Variants in TEAD4 observed in about 807,000 individuals in gnomAD.
The protein encoded by TEAD4 is TEA domain transcription factor 4, also known as transcriptional enhancer factor TEF-3.
TEAD4 carries 36 observed loss-of-function variants against 52.4 expected under a neutral mutation model. The ratio of observed to expected loss-of-function variants is 0.69; its 90% CI spans 0.53 to 0.91. The LOEUF (loss-of-function observed/expected upper bound fraction) is 0.91. Among genes scored for constraint, TEAD4 ranks in the 40% least tolerant of loss-of-function variants. TEAD4 has a pLI of 0.00. For synonymous variants in TEAD4, 220 were observed against 231.0 expected (o/e 0.95, Z 0.43); for missense variants, 508 against 583.9 (o/e 0.87, Z 1.34).
At chr12:3,006,950 CA>C (rs1565539797) in intron 3 of TEAD4, among the ~76,000 whole-genome samples, 1 of 151,752 alleles carries the variant, frequency 6.6e-6, no homozygotes, top group Non-Finnish European at 1.5e-5. Context: ...CACTGGAACC[CA>C]GGAGGTGGAG....
chr12:3,031,208 G>T lies in TEAD4; in HGVS notation c.898-6760G>T, dbSNP rs372255265. ...GTCTGAGGGGGCCCCCAGCCCCCTG[G>T]AGAAGCCTTCACCCTTGCTTGAGCA... is the stretch of plus-strand genomic sequence containing the variant. On this transcript the variant is annotated intron_variant, in intron 10 of 12. Coordinates refer to ENST00000359864, the MANE Select transcript of TEAD4 (RefSeq NM_003213.4). 1.1e-4 allele frequency among the ~76,000 whole-genome samples: 16 copies of T among 152,282 alleles called. No individual in the cohort carries two copies. In the East Asian group the frequency reaches 1.7e-3, roughly 17 times the overall value.
At chr12:2,999,516 C>T (rs531374109) in intron 3 of TEAD4, among the ~76,000 whole-genome samples, 4 of 152,344 alleles carry the variant, frequency 2.6e-5, no homozygotes, top group South Asian at 4.1e-4. Flanking sequence ...CAAAGCAGCA[C>T]GGCAGATTAA....
In TEAD4 at chr12:2,994,022, C is replaced by T. The variant is rs890888059; in HGVS notation, c.-29-716C>T. Among the ~76,000 whole-genome samples, 9 of 152,274 alleles carry T rather than the reference C, an allele frequency of 5.9e-5. No individual in the cohort carries two copies. The highest frequency in any genetic ancestry group is 1.7e-4 in the African/African-American group (7 of 41,564). On this transcript the variant is annotated intron_variant, in intron 2 of 12. Transcript: ENST00000359864. This position sits in a 1 kb window ranked among gnomAD's most constrained non-coding sequence, Gnocchi z 4.7. ...TTGACTCTTGTGAATAATGCTGCCG[C>T]GAGCATGAGTGTACATATATATCTT... is the stretch of plus-strand genomic sequence containing the variant.
rs776054691 is a variant in TEAD4, at chr12:2,994,064, G to A, written c.-29-674G>A. ...ATATATCTTTGAGACCCTGCTTTCAGTTTGTTTGGGTATATACCCAGGTAT... is the reference window on the plus strand; with the variant it reads ...ATATATCTTTGAGACCCTGCTTTCAATTTGTTTGGGTATATACCCAGGTAT... On this transcript the variant is annotated intron_variant, in intron 2 of 12. Transcript: ENST00000359864. The surrounding 1 kb of genome is among the most constrained non-coding windows in gnomAD (Gnocchi z 4.7). Among the ~76,000 whole-genome samples, 1 of 151,966 alleles carries A rather than the reference G, an allele frequency of 6.6e-6. No individual in the cohort carries two copies. Among genetic ancestry groups the A allele is most frequent in the Non-Finnish European group, 1.5e-5 (1 of 67,994 alleles).
In TEAD4 at chr12:2,994,956, C is replaced by A. The variant is rs769725571; in HGVS notation, c.190C>A (p.Arg64Ser). Residue 64 changes from arginine to serine, a missense_variant, in exon 3 of 13, where the codon CGC becomes AGC. By Grantham distance (110) the Arg-to-Ser change is moderately radical (BLOSUM62 -1). Transcript: ENST00000359864. This position sits in a 1 kb window ranked among gnomAD's most constrained non-coding sequence, Gnocchi z 4.7. ...CGCCATCTACCCGCCCTGTGGCAGGCGCAAAATCATCCTGTCGGACGAGGG... is the reference window on the plus strand; with the variant it reads ...CGCCATCTACCCGCCCTGTGGCAGGAGCAAAATCATCCTGTCGGACGAGGG... The A allele has an allele frequency of 6.2e-7, 1 of 1,614,088 alleles. No individual in the cohort carries two copies. Among genetic ancestry groups the A allele is most frequent in the Admixed American group, 1.7e-5 (1 of 60,030 alleles).
Position 3,040,302 on chromosome 12 carries a change from G to T in TEAD4, c.1191+43G>T, listed in dbSNP as rs763877935. On this transcript the variant is annotated intron_variant, in intron 12 of 12. Transcript: ENST00000359864. ...CGGGTGTGGCTGGAGTCTGTGTGTG[G>T]GTAGCAGCCATGGCATGCCCCTTCT... is the stretch of plus-strand genomic sequence containing the variant. The T allele has an allele frequency of 1.9e-6, 3 of 1,613,966 alleles. No homozygotes were observed. The South Asian group carries it at 3.3e-5, about 18-fold the overall frequency.
chr12:3,034,262 C>T (rs1007235686), intron 10 of TEAD4, among the ~76,000 whole-genome samples: 1 of 152,032 alleles, frequency 6.6e-6, no homozygotes, highest in African/African-American at 2.4e-5. Flanking sequence ...GGAGCTGGGG[C>T]GCAGAACTCT....
intron 10 of TEAD4, among the ~76,000 whole-genome samples, chr12:3,025,323 T>G (rs1430023925): frequency 6.6e-6 from 1 of 152,232 alleles, no homozygotes; most frequent in African/African-American, 2.4e-5. Flanking sequence ...AGCTCTTGCA[T>G]TTCTCTCTTT....
chr12:3,006,359 AT>A (rs541938470), intron 3 of TEAD4, among the ~76,000 whole-genome samples: 16 of 152,156 alleles, frequency 1.1e-4, no homozygotes, highest in Non-Finnish European at 2.1e-4. Flanking sequence ...GGTTCCAAGC[AT>A]TTTAGATAAG....
At chr12:2,971,406 T>G (rs1361020355) in intron 2 of TEAD4, among the ~76,000 whole-genome samples, 3 of 152,096 alleles carry the variant, frequency 2.0e-5, no homozygotes, top group Admixed American at 2.0e-4. Flanking sequence ...TGTCATGAAG[T>G]GATGAGAGGA....
At chr12:3,003,324 G>A (rs2098253172) in intron 3 of TEAD4, among the ~76,000 whole-genome samples, 1 of 152,178 alleles carries the variant, frequency 6.6e-6, no homozygotes, top group South Asian at 2.1e-4. Context: ...GACCTTGCTG[G>A]CCCTCTGCTG....
At chr12:2,968,174 C>A (rs899089576) in intron 2 of TEAD4, among the ~76,000 whole-genome samples, 1 of 150,852 alleles carries the variant, frequency 6.6e-6, no homozygotes, top group Non-Finnish European at 1.5e-5. Flanking sequence ...GCAGCCTCCA[C>A]CTTCCGGGTT....
At chr12:2,988,065 C>T (rs1479748012) in intron 2 of TEAD4, among the ~76,000 whole-genome samples, 1 of 149,944 alleles carries the variant, frequency 6.7e-6, no homozygotes, top group African/African-American at 2.5e-5. Flanking sequence ...AAGACTCCAT[C>T]TCAAAAAAAC....
chr12:2,976,453 G>A (rs1431451874), intron 2 of TEAD4, among the ~76,000 whole-genome samples: 2 of 152,162 alleles, frequency 1.3e-5, no homozygotes, highest in Non-Finnish European at 2.9e-5. Context: ...GCAAAGCTGC[G>A]CTTGGAGGCT....
At chr12:3,013,609 C>T (rs2098262147) in intron 5 of TEAD4, among the ~76,000 whole-genome samples, 1 of 152,200 alleles carries the variant, frequency 6.6e-6, no homozygotes, top group Admixed American at 6.5e-5. Flanking sequence ...TGGCACACAG[C>T]TGTAATCCCA....
intron 5 of TEAD4, among the ~76,000 whole-genome samples, chr12:3,012,537 C>A (rs2098261167): frequency 6.6e-6 from 1 of 152,154 alleles, no homozygotes; most frequent in Non-Finnish European, 1.5e-5. Flanking sequence ...GCCCTCATTT[C>A]TTGAGGGCCC....
At chr12:3,029,919 T>G (rs532625825) in intron 10 of TEAD4, among the ~76,000 whole-genome samples, 1 of 152,202 alleles carries the variant, frequency 6.6e-6, no homozygotes, top group East Asian at 1.9e-4. Context: ...GACTTTTTTT[T>G]CCCCCTGAGG....
chr12:3,017,803 C>G (rs1455285686), intron 6 of TEAD4, among the ~76,000 whole-genome samples: 1 of 152,168 alleles, frequency 6.6e-6, no homozygotes, highest in African/African-American at 2.4e-5. Flanking sequence ...GTAGCTCTGC[C>G]ATGTTGGCCT....
chr12:2,969,726 G>C (rs2153952645), intron 2 of TEAD4, among the ~76,000 whole-genome samples: 1 of 152,328 alleles, frequency 6.6e-6, no homozygotes, highest in South Asian at 2.1e-4. Context: ...AAGCAGAATG[G>C]GGAGATGAGG....
Sources: gnomAD v4.1 joint callset for allele counts (sites outside exome capture counted in the v4.1 genomes callset) on GRCh38, gnomAD v4.1.1 for gene constraint, Gnocchi (gnomAD v3.1) non-coding constraint, MANE v1.5 for transcripts, NCBI Gene and HGNC (gene_info 2026-07-23, HGNC 2026-07-21) for gene names.